CCDC172: variants seen among roughly 807,000 people sequenced by gnomAD.
CCDC172 encodes coiled-coil domain-containing protein 172.
CCDC172 carries 30 observed loss-of-function variants against 38.0 expected under a neutral mutation model. That is an observed-to-expected ratio of 0.79 (90% CI 0.59 to 1.07). The LOEUF (loss-of-function observed/expected upper bound fraction) is 1.07. CCDC172 is among the 50% of genes least tolerant of loss of function. CCDC172 has a pLI of 0.00. For synonymous variants in CCDC172, 78 were observed against 88.3 expected (o/e 0.88, Z 0.66); for missense variants, 297 against 290.1 (o/e 1.02, Z -0.17).
chr10:116,331,728 T>G (rs549851290), intron 3 of CCDC172, among the ~76,000 whole-genome samples: 10 of 152,284 alleles, frequency 6.6e-5, no homozygotes, highest in African/African-American at 2.4e-4. Flanking sequence ...GAACTTATCT[T>G]TAGAAGAACT....
chr10:116,375,867 T>C (rs1845238407), intron 7 of CCDC172, among the ~76,000 whole-genome samples: 1 of 152,108 alleles, frequency 6.6e-6, no homozygotes, highest in Non-Finnish European at 1.5e-5. Context: ...CATTAAAAAG[T>C]CAGGAAACAG....
intron 3 of CCDC172, among the ~76,000 whole-genome samples, chr10:116,329,922 T>C (rs573274874): frequency 4.6e-5 from 7 of 152,354 alleles, no homozygotes; most frequent in African/African-American, 9.6e-5. Flanking sequence ...ATTTTCAATA[T>C]TGTGTACGAT....
Position 116,378,485 on chromosome 10 carries a change from A to G in CCDC172, c.716A>G (p.Gln239Arg), listed in dbSNP as rs760636677. The G allele has an allele frequency of 6.2e-7, 1 of 1,605,192 alleles. No homozygotes were observed. The highest frequency in any genetic ancestry group is 8.5e-7 in the Non-Finnish European group (1 of 1,176,456). Residue 239 changes from glutamine to arginine, a missense_variant, in exon 8 of 9, where the codon CAA becomes CGA. Gln to Arg is a conservative substitution (Grantham distance 43, BLOSUM62 1). Coordinates refer to ENST00000333254, the MANE Select transcript of CCDC172 (RefSeq NM_198515.3). ...ATGGAAAGTGTTTATGAAGCTCTCC[A>G]AACAGAAATAGAATTTTTGGAGTTG... ...DDMESVYEAL[Q>R]TEIEFLELTL...
At chr10:116,376,268 C>T (rs1473797048) in intron 7 of CCDC172, among the ~76,000 whole-genome samples, 1 of 152,146 alleles carries the variant, frequency 6.6e-6, no homozygotes, top group Non-Finnish European at 1.5e-5. Flanking sequence ...CTTCAGCTTC[C>T]CTTGAGGGTC....
intron 3 of CCDC172, among the ~76,000 whole-genome samples, chr10:116,332,301 A>G (rs1844672794): frequency 6.6e-6 from 1 of 152,160 alleles, no homozygotes; most frequent in Non-Finnish European, 1.5e-5. Context: ...TGTTTGGAGT[A>G]GAAAGTAAGT....
At chr10:116,325,128 C>T (rs752984935) in intron 2 of CCDC172, 38 bp downstream of exon 2, 12 of 1,596,986 alleles carry the variant, frequency 7.5e-6, no homozygotes, top group Non-Finnish European at 1.0e-5. Flanking sequence ...GGCCTTTTGT[C>T]TTCTGATGCT....
At chr10:116,350,889 TA>T (rs1371706399) in intron 5 of CCDC172, among the ~76,000 whole-genome samples, 10 of 152,042 alleles carry the variant, frequency 6.6e-5, no homozygotes, top group African/African-American at 2.4e-4. Flanking sequence ...TATACCTAAA[TA>T]AAGCTGTAAA....
Position 116,357,731 on chromosome 10 carries a change from T to A in CCDC172, c.551-105T>A, listed in dbSNP as rs746954242. On this transcript the variant is annotated intron_variant, in intron 6 of 8. Coordinates refer to ENST00000333254, the MANE Select transcript of CCDC172 (RefSeq NM_198515.3). ...AAATAAAAATCATTAGTGTATAAAT[T>A]TTATATGCAAGCACCAAAAATTAGA... The A allele has an allele frequency of 5.4e-4, 385 of 710,206 alleles. 1 individual carries two copies. The highest frequency in any genetic ancestry group is 8.0e-4 in the Non-Finnish European group (352 of 439,408). The allele number at this position is 710,206 out of a possible 1,614,324, so 44.0% of individuals were successfully genotyped here. A position where few individuals can be genotyped will look rare whatever the true frequency, so the allele number is the denominator to read the frequency against.
chr10:116,377,956 G>T (rs1845268113), intron 7 of CCDC172, among the ~76,000 whole-genome samples: 1 of 152,148 alleles, frequency 6.6e-6, no homozygotes, highest in Non-Finnish European at 1.5e-5. Flanking sequence ...TCAGGCAGGT[G>T]AATCACTTGA....
intron 7 of CCDC172, among the ~76,000 whole-genome samples, chr10:116,373,823 A>C (rs1265055204): frequency 2.6e-5 from 4 of 152,144 alleles, no homozygotes; most frequent in Non-Finnish European, 5.9e-5. Context: ...GCAGTGTTAT[A>C]TTATTTGAGA....
rs150139717 is a variant in CCDC172 at position 116,329,338 on chromosome 10, G to GTTTGAA, written c.165+3950_165+3951insTTTGAA. 5.0e-3 allele frequency among the ~76,000 whole-genome samples: 763 copies of GTTTGAA among 152,118 alleles called. 7 individuals carry two copies. The highest frequency in any genetic ancestry group is 0.017 in the African/African-American group (699 of 41,500). On this transcript the variant is annotated intron_variant, in intron 3 of 8. Coordinates refer to ENST00000333254, the MANE Select transcript of CCDC172 (RefSeq NM_198515.3). ...ATGGGGGTGTGAACCTTTGTAATGG[G>GTTTGAA]CTGTTTTTTCTTGGATATGCCAATC...
chr10:116,366,546 C>G (rs1194907983), intron 7 of CCDC172, among the ~76,000 whole-genome samples: 1 of 151,866 alleles, frequency 6.6e-6, no homozygotes, highest in Non-Finnish European at 1.5e-5. Context: ...TAAGATTTAC[C>G]CACGTTGGTG....
intron 5 of CCDC172, among the ~76,000 whole-genome samples, chr10:116,357,118 GA>G (rs778562632): frequency 4.6e-5 from 7 of 151,984 alleles, no homozygotes; most frequent in Non-Finnish European, 1.0e-4. Context: ...TTTTAGGATT[GA>G]TTTTTTTTCT....
rs1243419414 is a variant in CCDC172 at position 116,378,467 on chromosome 10, G to C, written c.698G>C (p.Ser233Thr). The C allele has an allele frequency of 1.9e-6, 3 of 1,604,300 alleles. No individual in the cohort carries two copies. The African/African-American group carries it at 4.0e-5, about 22-fold the overall frequency. The change falls in exon 8 of 9, where the codon AGT becomes ACT. Residue 233 changes from serine to threonine, a missense_variant. Physicochemically the swap from Ser to Thr is moderately conservative, Grantham distance 58. Transcript: ENST00000333254. ...CTTTATAAGGAAGATGACATGGAAA[G>C]TGTTTATGAAGCTCTCCAAACAGAA... ...LELYKEDDMESVYEALQTEIE... is the reference protein window; with the variant it reads ...LELYKEDDMETVYEALQTEIE...
chr10:116,376,715 A>G (rs1565726348), intron 7 of CCDC172, among the ~76,000 whole-genome samples: 1 of 152,136 alleles, frequency 6.6e-6, no homozygotes, highest in African/African-American at 2.4e-5. Context: ...GGACCAGAAT[A>G]TACCACCCTG....
intron 7 of CCDC172, among the ~76,000 whole-genome samples, chr10:116,362,575 T>C (rs1381641741): frequency 6.6e-6 from 1 of 152,212 alleles, no homozygotes; most frequent in Non-Finnish European, 1.5e-5. Context: ...ATTTATAAAA[T>C]AGTCTACATT....
intron 7 of CCDC172, among the ~76,000 whole-genome samples, chr10:116,363,769 T>G: frequency 6.6e-6 from 1 of 151,854 alleles, no homozygotes; most frequent in East Asian, 1.9e-4. Context: ...AAACCCCGCC[T>G]CTACTACAAA....
At chr10:116,346,290 T>C (rs192396549) in intron 5 of CCDC172, among the ~76,000 whole-genome samples, 1,176 of 72,694 alleles carry the variant, frequency 0.016, 9 homozygotes, top group Admixed American at 0.027. Context: ...AGACTTCGTC[T>C]CAAAAAAAAA....
At chr10:116,328,825 C>CTGTATTACCTA in intron 3 of CCDC172, among the ~76,000 whole-genome samples, 1 of 152,140 alleles carries the variant, frequency 6.6e-6, no homozygotes, top group East Asian at 1.9e-4. Flanking sequence ...TCCTTTAGTA[C>CTGTATTACCTA]TGTATTACCT....
Sources: gnomAD v4.1 joint callset for allele counts (sites outside exome capture counted in the v4.1 genomes callset) on GRCh38, gnomAD v4.1.1 for gene constraint, MANE v1.5 for transcripts, NCBI Gene and HGNC (gene_info 2026-07-23, HGNC 2026-07-21) for gene names.